PAK3: variants seen among roughly 807,000 people sequenced by gnomAD.
PAK3 encodes the protein p21 (RAC1) activated kinase 3, also known as serine/threonine-protein kinase PAK 3.
A neutral mutation model predicts 41.0 loss-of-function variants in PAK3; 4 were observed. That is an observed-to-expected ratio of 0.10 (90% CI 0.05 to 0.22). The LOEUF is 0.22. Among genes scored for constraint, PAK3 ranks in the 10% least tolerant of loss-of-function variants. PAK3 has a pLI of 1.00. For missense variants in PAK3, 205 were observed against 409.9 expected (o/e 0.50, Z 4.32); for synonymous variants, 146 against 139.6 (o/e 1.05, Z -0.32).
intron 17 of PAK3, 64 bp from the exon 18 acceptor site, chrX:111,220,294 G>GTAAA (rs1280367766): frequency 1.4e-6 from 1 of 691,257 alleles, no homozygotes; most frequent in African/African-American, 2.1e-5. Flanking sequence ...GCTTGAAAAT[G>GTAAA]TAAAGTAATA....
At chrX:111,011,891 T>C (rs1273920797) in intron 1 of PAK3, among the ~76,000 whole-genome samples, 29 of 112,608 alleles carry the variant, frequency 2.6e-4, no homozygotes, top group Non-Finnish European at 3.8e-5. Context: ...TCAGTAGTTA[T>C]AGATCTGGTA....
chrX:110,995,056 G>T (rs1352614702), intron 1 of PAK3, among the ~76,000 whole-genome samples: 1 of 111,337 alleles, frequency 9.0e-6, no homozygotes, highest in Non-Finnish European at 1.9e-5. Context: ...TTACTCTCTT[G>T]TGTTACTCCT....
intron 1 of PAK3, among the ~76,000 whole-genome samples, chrX:111,048,345 C>T (rs2092520914): frequency 9.0e-6 from 1 of 111,120 alleles, no homozygotes; most frequent in Non-Finnish European, 1.9e-5. Context: ...GTGATTTTAT[C>T]CAGTTCCATA....
At chrX:111,149,277 C>T (rs1160311016) in intron 7 of PAK3, among the ~76,000 whole-genome samples, 2 of 111,948 alleles carry the variant, frequency 1.8e-5, no homozygotes, top group South Asian at 3.8e-4. Context: ...GCTGCTTTCA[C>T]AGGCTGCTGT....
At chrX:110,992,378 A>G (rs1403610436) in intron 1 of PAK3, among the ~76,000 whole-genome samples, 1 of 110,957 alleles carries the variant, frequency 9.0e-6, no homozygotes, top group African/African-American at 3.3e-5. Flanking sequence ...ATTTCCAGGG[A>G]GTGAGATGGA....
intron 1 of PAK3, among the ~76,000 whole-genome samples, chrX:111,055,508 A>C (rs1038089028): frequency 2.7e-5 from 3 of 112,249 alleles, no homozygotes; most frequent in Non-Finnish European, 5.6e-5. Flanking sequence ...TGAAACCAAG[A>C]TCTGTAATAC....
At chrX:111,063,854 C>T (rs2092679752) in intron 1 of PAK3, among the ~76,000 whole-genome samples, 1 of 107,979 alleles carries the variant, frequency 9.3e-6, no homozygotes, top group African/African-American at 3.4e-5. Context: ...ACTCCTTAAA[C>T]ATGGAAAGAA....
At chrX:110,964,117 G>A (rs1030762682) in intron 1 of PAK3, among the ~76,000 whole-genome samples, 1 of 111,845 alleles carries the variant, frequency 8.9e-6, no homozygotes, top group African/African-American at 3.2e-5. Flanking sequence ...TCCCCACAAT[G>A]AATCCATTGT....
intron 1 of PAK3, among the ~76,000 whole-genome samples, chrX:111,044,048 A>C (rs780874978): frequency 1.8e-5 from 2 of 112,021 alleles, no homozygotes; most frequent in Admixed American, 9.5e-5. Context: ...GATTTTTAAA[A>C]AACAGATTTT....
intron 1 of PAK3, among the ~76,000 whole-genome samples, chrX:111,029,493 C>A (rs956672925): frequency 2.7e-5 from 3 of 111,957 alleles, no homozygotes; most frequent in Non-Finnish European, 5.6e-5. Context: ...ACTGTATTCT[C>A]ACAATAAAGT....
chrX:111,033,989 A>G (rs760859375), intron 1 of PAK3, among the ~76,000 whole-genome samples: 1 of 111,499 alleles, frequency 9.0e-6, no homozygotes, highest in African/African-American at 3.3e-5. Context: ...CTCCAGCAAA[A>G]CTGTGTACTC....
intron 1 of PAK3, among the ~76,000 whole-genome samples, chrX:111,039,129 G>A (rs1302142215): frequency 8.9e-6 from 1 of 112,125 alleles, no homozygotes; most frequent in African/African-American, 3.2e-5. Context: ...ATGTTTTCTT[G>A]GATGACATTT....
Position 111,195,833 on chromosome X carries a change from A to G in PAK3, c.1111-9A>G, listed in dbSNP as rs2094608820. The G allele has an allele frequency of 9.2e-7, 1 of 1,092,127 alleles. No individual in the cohort carries two copies. The highest frequency in any genetic ancestry group is 1.3e-6 in the Non-Finnish European group (1 of 787,143). 90.0% of individuals were successfully genotyped at this position (1,092,127 alleles called of 1,213,427 possible). On this transcript the variant is annotated splice_polypyrimidine_tract_variant and intron_variant, in intron 14 of 17. Transcript: ENST00000372007. ...GATATAATTAGAACTTTTTTTTCTG[A>G]TTTAATAGTGCCTGCAAGCTTTGGA...
chrX:111,079,343 A>C (rs1017309346), intron 1 of PAK3, among the ~76,000 whole-genome samples: 17 of 112,023 alleles, frequency 1.5e-4, no homozygotes, highest in African/African-American at 5.5e-4. Flanking sequence ...GCTAATGTTC[A>C]TTTACCATTC....
intron 1 of PAK3, among the ~76,000 whole-genome samples, chrX:110,964,330 T>C (rs2091039422): frequency 8.9e-6 from 1 of 112,250 alleles, no homozygotes; most frequent in Non-Finnish European, 1.9e-5. Flanking sequence ...AAAACTCTAA[T>C]TCGTGTATGA....
chrX:111,076,272 C>A (rs1320013812), intron 1 of PAK3, among the ~76,000 whole-genome samples: 2 of 111,819 alleles, frequency 1.8e-5, no homozygotes, highest in Non-Finnish European at 3.8e-5. Flanking sequence ...CCCTCCAAAT[C>A]TCAAGTTGAA....
chrX:111,017,827 A>G (rs2092114217), intron 1 of PAK3, among the ~76,000 whole-genome samples: 1 of 111,834 alleles, frequency 8.9e-6, no homozygotes, highest in African/African-American at 3.2e-5. Context: ...TGATGCAAAT[A>G]TCCTCAGCAA....
At chrX:111,211,495 G>A (rs1188216914) in intron 16 of PAK3, among the ~76,000 whole-genome samples, 2 of 109,416 alleles carry the variant, frequency 1.8e-5, no homozygotes, top group African/African-American at 6.7e-5. Context: ...GGTCAACATG[G>A]TGAAACCCTG....
intron 16 of PAK3, among the ~76,000 whole-genome samples, chrX:111,210,393 G>C (rs754046635): frequency 1.8e-5 from 2 of 110,646 alleles, no homozygotes; most frequent in Non-Finnish European, 3.8e-5. Context: ...CCTCCCTTTG[G>C]TGATGACATC....
Sources: gnomAD v4.1 joint callset for allele counts (sites outside exome capture counted in the v4.1 genomes callset) on GRCh38, gnomAD v4.1.1 for gene constraint, MANE v1.5 for transcripts, NCBI Gene and HGNC (gene_info 2026-07-23, HGNC 2026-07-21) for gene names.